Variants in DCC observed in about 807,000 individuals in gnomAD.
DCC encodes DCC netrin 1 receptor, also known as netrin receptor DCC.
Under a neutral mutation model 172.5 loss-of-function variants are expected in DCC, and 58 were observed. That is an observed-to-expected ratio of 0.34 (90% CI 0.27 to 0.42). The LOEUF (loss-of-function observed/expected upper bound fraction) is 0.42. Among genes scored for constraint, DCC ranks in the 10% least tolerant of loss-of-function variants. The pLI is 1.00. For synonymous variants in DCC, 709 were observed against 644.5 expected, an observed-to-expected ratio of 1.10 and a Z score of -1.52; for missense variants, 1,740 against 1,791.0, an observed-to-expected ratio of 0.97 and a Z score of 0.51.
chr18:52,868,364 C>A (rs2039262960), intron 2 of DCC, among the ~76,000 whole-genome samples: 1 of 152,116 alleles, frequency 6.6e-6, no homozygotes. Context: ...CAGAAGTAGG[C>A]TAAGATTGCC....
At chr18:53,488,839 G>T (rs1288729398) in intron 26 of DCC, among the ~76,000 whole-genome samples, 1 of 152,126 alleles carries the variant, frequency 6.6e-6, no homozygotes, top group Non-Finnish European at 1.5e-5. Flanking sequence ...AACCTCAAAT[G>T]CCTCTAAAAA....
chr18:52,571,952 T>C (rs1452486654), intron 1 of DCC, among the ~76,000 whole-genome samples: 4 of 152,108 alleles, frequency 2.6e-5, no homozygotes, highest in African/African-American at 7.2e-5. Flanking sequence ...GTCAATCTAA[T>C]GGCAAAATTA....
chr18:52,872,698 T>G (rs73456897), intron 2 of DCC, among the ~76,000 whole-genome samples: 1 of 152,298 alleles, frequency 6.6e-6, no homozygotes, highest in Non-Finnish European at 1.5e-5. Context: ...GAACCCTCAA[T>G]GCAAAGACTT....
chr18:52,857,943 C>T (rs545273514), intron 2 of DCC, among the ~76,000 whole-genome samples: 7 of 152,130 alleles, frequency 4.6e-5, no homozygotes, highest in Non-Finnish European at 1.0e-4. Flanking sequence ...AAAATCATTT[C>T]ATTATTTGGT....
chr18:53,327,713 T>A (rs1055784997), intron 14 of DCC, among the ~76,000 whole-genome samples: 11 of 152,168 alleles, frequency 7.2e-5, no homozygotes, highest in Non-Finnish European at 1.5e-4. Context: ...TCATTTCATT[T>A]AAGAATTGGG....
At chr18:53,071,272 G>T (rs1402843435) in intron 7 of DCC, among the ~76,000 whole-genome samples, 1 of 152,120 alleles carries the variant, frequency 6.6e-6, no homozygotes, top group African/African-American at 2.4e-5. Context: ...ATAATCTGCT[G>T]AATTAAATTG....
intron 1 of DCC, among the ~76,000 whole-genome samples, chr18:52,472,048 C>A (rs1449795656): frequency 2.6e-5 from 4 of 152,114 alleles, no homozygotes; most frequent in Non-Finnish European, 5.9e-5. Context: ...CATAAAGTAT[C>A]CTGGAGTCTT....
At chr18:52,387,122 T>A (rs994149581) in intron 1 of DCC, among the ~76,000 whole-genome samples, 1 of 152,162 alleles carries the variant, frequency 6.6e-6, no homozygotes, top group Non-Finnish European at 1.5e-5. Flanking sequence ...TCAATTGAAA[T>A]AGACACATAG....
At chr18:53,367,472 G>A (rs1220453477) in intron 15 of DCC, among the ~76,000 whole-genome samples, 2 of 152,082 alleles carry the variant, frequency 1.3e-5, no homozygotes, top group East Asian at 1.9e-4. Flanking sequence ...ATTTACATAA[G>A]TCCTACATAG....
chr18:52,475,868 G>A (rs912511639), intron 1 of DCC, among the ~76,000 whole-genome samples: 1 of 152,084 alleles, frequency 6.6e-6, no homozygotes, highest in African/African-American at 2.4e-5. Flanking sequence ...TTTCAATCAG[G>A]ATTTCAACCT....
chr18:53,522,992 G>C (rs1232188155), intron 27 of DCC, among the ~76,000 whole-genome samples: 1 of 152,124 alleles, frequency 6.6e-6, no homozygotes, highest in African/African-American at 2.4e-5. Flanking sequence ...TACAGAATGG[G>C]AGAAATTTTT....
intron 1 of DCC, among the ~76,000 whole-genome samples, chr18:52,713,731 T>C (rs1431015775): frequency 6.6e-6 from 1 of 152,188 alleles, no homozygotes; most frequent in Non-Finnish European, 1.5e-5. Context: ...CCATTATCAA[T>C]GGTGCTGTTA....
chr18:52,919,324 T>A (rs1007453316), intron 3 of DCC, among the ~76,000 whole-genome samples: 11 of 152,282 alleles, frequency 7.2e-5, no homozygotes, highest in East Asian at 1.9e-4. Flanking sequence ...TATTAAAAAA[T>A]TTTTTGATCA....
chr18:52,635,596 AT>A (rs2034760886), intron 1 of DCC, among the ~76,000 whole-genome samples: 1 of 152,200 alleles, frequency 6.6e-6, no homozygotes. Flanking sequence ...GCTAATGGCT[AT>A]TACACTTATA....
chr18:53,252,580 G>A (rs1300373606), intron 12 of DCC, among the ~76,000 whole-genome samples: 1 of 151,904 alleles, frequency 6.6e-6, no homozygotes, highest in East Asian at 1.9e-4. Context: ...TAATGAAATT[G>A]TGCTAGACCA....
At chr18:52,825,934 G>C (rs7233336) in intron 2 of DCC, among the ~76,000 whole-genome samples, 18,308 of 152,186 alleles carry the variant, frequency 0.12, 1,325 homozygotes, top group Middle Eastern at 0.22. Context: ...TCCTGAGGGG[G>C]GGAAAAACAG....
intron 1 of DCC, among the ~76,000 whole-genome samples, chr18:52,478,505 C>T (rs1322778539): frequency 5.9e-5 from 9 of 152,112 alleles, no homozygotes. Flanking sequence ...TGTATTAGGC[C>T]ATTCTGTCAT....
intron 5 of DCC, among the ~76,000 whole-genome samples, chr18:52,977,728 AC>A (rs2041142969): frequency 6.6e-6 from 1 of 151,946 alleles, no homozygotes; most frequent in Admixed American, 6.6e-5. Context: ...TACTAAAAAT[AC>A]AAAAAATTAG....
Position 53,467,857 on chromosome 18 carries a change from G to C in DCC, c.3620-37G>C, listed in dbSNP as rs190962192. ...AAATTAGGTAAAGTGTTGCATCCTT[G>C]AAGAGGGCATGTTTCTCAGGAGTGT... On this transcript the variant is annotated intron_variant, in intron 24 of 28. Coordinates refer to ENST00000442544, the MANE Select transcript of DCC (RefSeq NM_005215.4). The C allele has an allele frequency of 2.5e-4, 258 of 1,033,278 alleles. No homozygotes were observed. In the African/African-American group the frequency reaches 3.5e-3, roughly 14 times the overall value. The allele number at this position is 1,033,278 out of a possible 1,614,324, so 64.0% of individuals were successfully genotyped here. A position where few individuals can be genotyped will look rare whatever the true frequency, so the allele number is the denominator to read the frequency against.
Sources: gnomAD v4.1 joint callset for allele counts (sites outside exome capture counted in the v4.1 genomes callset) on GRCh38, gnomAD v4.1.1 for gene constraint, MANE v1.5 for transcripts, NCBI Gene and HGNC (gene_info 2026-07-23, HGNC 2026-07-21) for gene names.